The following TRIM59 variants were observed in gnomAD, a reference collection of about 807,000 sequenced individuals.
The protein encoded by TRIM59 is tripartite motif containing 59.
In TRIM59, 14 loss-of-function variants were observed where a neutral mutation model predicts 32.2. The ratio of observed to expected loss-of-function variants is 0.43; its 90% confidence interval spans 0.29 to 0.68. The LOEUF (loss-of-function observed/expected upper bound fraction) is 0.68. Among genes scored for constraint, TRIM59 ranks in the 30% least tolerant of loss-of-function variants. The pLI is 0.15. For missense variants in TRIM59, 471 were observed against 463.3 expected (o/e 1.02, Z -0.15); for synonymous variants, 163 against 155.1 (o/e 1.05, Z -0.38).
Position 160,437,983 on chromosome 3 carries a change from CTA to C in TRIM59, c.1199_1200del (p.Ile400SerfsTer9). 6.5e-7 allele frequency: 1 copy of C among 1,543,828 alleles called. No homozygotes were observed. Among genetic ancestry groups the C allele is most frequent in the Non-Finnish European group, 8.7e-7 (1 of 1,150,986 alleles). ...TCAGGTTGACATTTTCAATGGGAAACTATTTTCCACACAAATTCCTTCAACAA... is the reference window on the plus strand; with the variant it reads ...TCAGGTTGACATTTTCAATGGGAAACTTTTCCACACAAATTCCTTCAACAA... ...FYLLKEFVWK[I>X]VSH On this transcript the variant is annotated frameshift_variant, in exon 3 of 3. Coordinates refer to ENST00000309784, the MANE Select transcript of TRIM59 (RefSeq NM_173084.3). LOFTEE classifies it high-confidence loss of function.
At chr3:160,445,544 C>A (rs1258110949) in intron 2 of TRIM59, among the ~76,000 whole-genome samples, 1 of 152,072 alleles carries the variant, frequency 6.6e-6, no homozygotes, top group Non-Finnish European at 1.5e-5. Flanking sequence ...GAGGCCGAGA[C>A]AGGCGGACCA....
intron 2 of TRIM59, among the ~76,000 whole-genome samples, chr3:160,447,457 C>G (rs1307538970): frequency 6.6e-6 from 1 of 152,194 alleles, no homozygotes; most frequent in Non-Finnish European, 1.5e-5. Flanking sequence ...AGTGTCAAAA[C>G]AAATACATTT....
At chr3:160,442,642 G>A (rs1408972337) in intron 2 of TRIM59, among the ~76,000 whole-genome samples, 4 of 151,980 alleles carry the variant, frequency 2.6e-5, no homozygotes, top group Admixed American at 2.6e-4. Context: ...ATACTTTTTA[G>A]ACAAAAATTT....
intron 2 of TRIM59, among the ~76,000 whole-genome samples, chr3:160,441,492 G>A (rs931375644): frequency 3.9e-5 from 6 of 152,068 alleles, no homozygotes; most frequent in African/African-American, 1.2e-4. Context: ...GGGGGCTCAC[G>A]CCTGTAATCT....
intron 2 of TRIM59, among the ~76,000 whole-genome samples, chr3:160,444,872 C>A (rs1719439936): frequency 6.6e-6 from 1 of 152,074 alleles, no homozygotes; most frequent in Non-Finnish European, 1.5e-5. Flanking sequence ...TCACCAGCAA[C>A]AAGGAATGCT....
chr3:160,446,278 T>G (rs1218789966), intron 2 of TRIM59, among the ~76,000 whole-genome samples: 1 of 152,182 alleles, frequency 6.6e-6, no homozygotes, highest in Non-Finnish European at 1.5e-5. Context: ...ATGAAAAGTT[T>G]GCTAAATATT....
In TRIM59 at chr3:160,438,077, T is replaced by TA; in HGVS notation, c.1106dup (p.Ser370IlefsTer8). 1 of 1,606,392 alleles carries TA rather than the reference T, an allele frequency of 6.2e-7. No homozygotes were observed. The highest frequency in any genetic ancestry group is 1.1e-5 in the South Asian group (1 of 89,768). On this transcript the variant is annotated frameshift_variant, in exon 3 of 3. Coordinates refer to ENST00000309784, the MANE Select transcript of TRIM59 (RefSeq NM_173084.3). LOFTEE classifies it high-confidence loss of function. ...TGTTAGATAAACTTTGGTAAACAGA[T>TA]AGAGAGGCTTCAGAAAACCATATTA...
Position 160,438,292 on chromosome 3 carries a change from T to C in TRIM59, c.892A>G (p.Lys298Glu). The change falls in exon 3 of 3, where the codon AAG (lysine) becomes GAG (glutamate). Residue 298 changes from lysine to glutamate, a missense_variant. Lys to Glu is a moderately conservative substitution (Grantham distance 56, BLOSUM62 1). Coordinates refer to ENST00000309784, the MANE Select transcript of TRIM59 (RefSeq NM_173084.3). ...TTCATTTTGGGAATGAGAACGTTCT[T>C]AATTTGTCCAATTTCTGTTCTGCTC... The part of the protein sequence containing the change: ...EWSRTEIGQI[K>E]NVLIPKMKIS... 4 of 1,613,880 alleles carry C rather than the reference T, an allele frequency of 2.5e-6. No homozygotes were observed. Among genetic ancestry groups the C allele is most frequent in the East Asian group, 2.2e-5 (1 of 44,874 alleles).
rs1185422489 is a variant in TRIM59, at chr3:160,438,805, G to C, written c.379C>G (p.His127Asp). The C allele has an allele frequency of 6.2e-6, 10 of 1,613,630 alleles. No homozygotes were observed. The highest frequency in any genetic ancestry group is 1.6e-4 in the Middle Eastern group (1 of 6,082). Reference sequence around the variant, plus strand: ...TGAAGGTCATCTATAGGATGACCATGATGTTGACCTATGGTAAGGCAATGA... The same window carrying C: ...TGAAGGTCATCTATAGGATGACCATCATGTTGACCTATGGTAAGGCAATGA... ...CGHCLTIGQHHGHPIDDLQSA... is the reference protein window; with the variant it reads ...CGHCLTIGQHDGHPIDDLQSA... Residue 127 changes from histidine (H) to aspartate (D), a missense_variant, in exon 3 of 3, where the codon CAT becomes GAT. Physicochemically the swap from His to Asp is moderately conservative, Grantham distance 81 (BLOSUM62 -1). Coordinates refer to ENST00000309784, the MANE Select transcript of TRIM59 (RefSeq NM_173084.3).
In TRIM59 at chr3:160,435,626, A is replaced by G. The variant is rs968528122; in HGVS notation, c.*2346T>C. 5.9e-5 allele frequency: 10 copies of G among 168,474 alleles called. No individual in the cohort carries two copies. The highest frequency in any genetic ancestry group is 2.4e-4 in the African/African-American group (10 of 41,758). The allele number at this position is 168,474 out of a possible 1,614,324, so 10.4% of individuals were successfully genotyped here. ...GCTGGTAAAAATACAAAACAGCAGC[A>G]TAAGAACCAGTTACTCATATACTCA... is the stretch of plus-strand genomic sequence containing the variant. On this transcript the variant is annotated 3_prime_UTR_variant, in exon 3 of 3. Transcript: ENST00000309784.
chr3:160,448,431 T>G (rs1412699845), intron 2 of TRIM59, among the ~76,000 whole-genome samples: 1 of 152,210 alleles, frequency 6.6e-6, no homozygotes, highest in African/African-American at 2.4e-5. Context: ...GTTCTGCAGA[T>G]CTGTATGTAT....
In TRIM59 at chr3:160,438,983, T is replaced by G; in HGVS notation, c.201A>C (p.Pro67=). Residue 67 remains proline (P), a synonymous_variant, in exon 3 of 3, where the codon CCA becomes CCC. Coordinates refer to ENST00000309784, the MANE Select transcript of TRIM59 (RefSeq NM_173084.3). Reference sequence around the variant, plus strand: ...TAACAGGTAAAGATTCAATGCCAGTTGGAGCAATTTCAGTAATACTTCTGC... The same window carrying G: ...TAACAGGTAAAGATTCAATGCCAGTGGGAGCAATTTCAGTAATACTTCTGC... ...PNCRSITEIA[P]TGIESLPVNF... 1 of 1,614,098 alleles carries G rather than the reference T, an allele frequency of 6.2e-7. No individual in the cohort carries two copies. The highest frequency in any genetic ancestry group is 2.2e-5 in the East Asian group (1 of 44,864).
intron 2 of TRIM59, among the ~76,000 whole-genome samples, chr3:160,446,816 G>A (rs577903090): frequency 3.3e-5 from 5 of 152,286 alleles, no homozygotes; most frequent in South Asian, 2.1e-4. Context: ...TGTGAACTGC[G>A]CACGCGAGGG....
At chr3:160,448,961 G>A in intron 1 of TRIM59, 166 bp from the exon 2 acceptor site, 1 of 329,338 alleles carries the variant, frequency 3.0e-6, no homozygotes, top group South Asian at 2.5e-5. Flanking sequence ...TAGAGGTATC[G>A]CTTGTTCCTT....
chr3:160,445,377 C>T (rs771614808), intron 2 of TRIM59, among the ~76,000 whole-genome samples: 5 of 151,994 alleles, frequency 3.3e-5, no homozygotes, highest in Non-Finnish European at 5.9e-5. Context: ...GAGCCACGGT[C>T]GTTCCACTGC....
At position 160,437,837 on chromosome 3, in the gene TRIM59, A is replaced by T; in HGVS notation, c.*135T>A. 1 of 1,290,326 alleles carries T rather than the reference A, an allele frequency of 7.7e-7. No individual in the cohort carries two copies. The highest frequency in any genetic ancestry group is 9.8e-7 in the Non-Finnish European group (1 of 1,020,022). The allele number at this position is 1,290,326 out of a possible 1,614,324, so 79.9% of individuals were successfully genotyped here. A position where few individuals can be genotyped will look rare whatever the true frequency, so the allele number is the denominator to read the frequency against. ...TTGACATATCATTGCTAACCAAAAG[A>T]AGCAACAAATATAAACATTTGTTTA... is the stretch of plus-strand genomic sequence containing the variant. On this transcript the variant is annotated 3_prime_UTR_variant, in exon 3 of 3. Transcript: ENST00000309784.
At chr3:160,449,424 C>G in intron 1 of TRIM59, 1 of 1,115,496 alleles carries the variant, frequency 9.0e-7, no homozygotes, top group Non-Finnish European at 1.1e-6. Context: ...ACCCGCCCGT[C>G]CCCAACCCCG....
In TRIM59 at chr3:160,435,842, G is replaced by T; in HGVS notation, c.*2130C>A. 2 of 749,478 alleles carry T rather than the reference G, an allele frequency of 2.7e-6. No individual in the cohort carries two copies. The highest frequency in any genetic ancestry group is 4.0e-6 in the Non-Finnish European group (2 of 497,224). 46.4% of individuals were successfully genotyped at this position (749,478 alleles called of 1,614,324 possible). ...TGAACTCTGAAAAGAGAATGCATGG[G>T]TTTTCTCACAGCTATATGGCCTTGG... On this transcript the variant is annotated 3_prime_UTR_variant, in exon 3 of 3. Coordinates refer to ENST00000309784, the MANE Select transcript of TRIM59 (RefSeq NM_173084.3).
In TRIM59 at chr3:160,439,049, A is replaced by G; in HGVS notation, c.135T>C (p.Tyr45=). The G allele has an allele frequency of 6.3e-7, 1 of 1,587,308 alleles. No individual in the cohort carries two copies. Among genetic ancestry groups the G allele is most frequent in the South Asian group, 1.2e-5 (1 of 86,858 alleles). The change falls in exon 3 of 3, where the codon TAT becomes TAC. Residue 45 remains tyrosine, a synonymous_variant. Coordinates refer to ENST00000309784, the MANE Select transcript of TRIM59 (RefSeq NM_173084.3). The part of the protein sequence containing the change: ...ENILQASGNF[Y]IWRPLRIPLK... ...GTGGAATTCGTAAAGGTCTCCATATATAAAAGTTACCAGATGCCTGAAGAA... is the reference window on the plus strand; with the variant it reads ...GTGGAATTCGTAAAGGTCTCCATATGTAAAAGTTACCAGATGCCTGAAGAA...
Sources: gnomAD v4.1 joint callset for allele counts (sites outside exome capture counted in the v4.1 genomes callset) on GRCh38, gnomAD v4.1.1 for gene constraint, MANE v1.5 for transcripts, NCBI Gene and HGNC (gene_info 2026-07-23, HGNC 2026-07-21) for gene names.